The following NSRP1 variants were observed in gnomAD, a reference collection of about 807,000 sequenced individuals.
NSRP1 encodes coiled-coil domain containing 55.
Under a neutral mutation model 54.7 loss-of-function variants are expected in NSRP1, and 24 were observed. The ratio of observed to expected loss-of-function variants is 0.44; its 90% CI spans 0.32 to 0.62. NSRP1 has a LOEUF of 0.62. NSRP1 is among the 20% of genes least tolerant of loss of function. The pLI is 0.06. For synonymous variants in NSRP1, 210 were observed against 213.8 expected (o/e 0.98, Z 0.15); for missense variants, 596 against 651.2 (o/e 0.92, Z 0.92).
In NSRP1 at chr17:30,116,820, A is replaced by C. The variant is rs201700781; in HGVS notation, c.-24A>C. On this transcript the variant is annotated 5_prime_UTR_variant, in exon 1 of 7. Coordinates refer to ENST00000247026, the MANE Select transcript of NSRP1 (RefSeq NM_032141.4). ...CGTCAGCGTCACGGAGGCGTCGGCC[A>C]CGTTCAGCGGACACGGGAGCAAGAT... 3 of 1,569,250 alleles carry C rather than the reference A, an allele frequency of 1.9e-6. No homozygotes were observed. The highest frequency in any genetic ancestry group is 2.6e-6 in the Non-Finnish European group (3 of 1,156,620).
intron 2 of NSRP1, among the ~76,000 whole-genome samples, chr17:30,159,398 A>G (rs1904431317): frequency 6.6e-6 from 1 of 151,940 alleles, no homozygotes; most frequent in Non-Finnish European, 1.5e-5. Context: ...TAAATATAAG[A>G]TCATGTCATC....
intron 6 of NSRP1, among the ~76,000 whole-genome samples, chr17:30,182,339 A>G (rs1340215826): frequency 1.3e-5 from 2 of 152,176 alleles, no homozygotes; most frequent in Non-Finnish European, 2.9e-5. Flanking sequence ...AGCTACTTAA[A>G]TTAATTTAAA....
intron 2 of NSRP1, among the ~76,000 whole-genome samples, chr17:30,124,300 C>T (rs1349291757): frequency 1.3e-5 from 2 of 152,186 alleles, no homozygotes; most frequent in Non-Finnish European, 2.9e-5. Flanking sequence ...ATGACCACAA[C>T]ATACCACAGT....
At chr17:30,176,610 C>A (rs1292720340) in intron 3 of NSRP1, among the ~76,000 whole-genome samples, 1 of 120,048 alleles carries the variant, frequency 8.3e-6, no homozygotes, top group Non-Finnish European at 1.9e-5. Context: ...ACTTCGTCCC[C>A]CCCCCCCCAA....
chr17:30,122,858 T>C lies in NSRP1; in HGVS notation c.114+4685T>C, dbSNP rs2071616645. 2.0e-5 allele frequency among the ~76,000 whole-genome samples: 3 copies of C among 152,180 alleles called. No individual in the cohort carries two copies. In the East Asian group the frequency reaches 5.8e-4, roughly 29 times the overall value. On this transcript the variant is annotated intron_variant, in intron 2 of 6. Transcript: ENST00000247026. Reference sequence around the variant, plus strand: ...ATAGAAGGTGTACAGTGGTATCTCATTGTGGCTTTGATTTGCACTTCCCTG... The same window carrying C: ...ATAGAAGGTGTACAGTGGTATCTCACTGTGGCTTTGATTTGCACTTCCCTG...
rs1177186662 is a variant in NSRP1, at chr17:30,186,386, A to G, written c.*712A>G. On this transcript the variant is annotated 3_prime_UTR_variant, in exon 7 of 7. Transcript: ENST00000247026. Reference sequence around the variant, plus strand: ...ATATACTTTATGTTCTGAAATTTGTATTTAAGTATAAAATGTGAATCATCT... The same window carrying G: ...ATATACTTTATGTTCTGAAATTTGTGTTTAAGTATAAAATGTGAATCATCT... 1.3e-5 allele frequency: 2 copies of G among 152,236 alleles called. No homozygotes were observed. Among genetic ancestry groups the G allele is most frequent in the East Asian group, 1.9e-4 (1 of 5,204 alleles). 9.4% of individuals were successfully genotyped at this position (152,236 alleles called of 1,614,324 possible).
intron 2 of NSRP1, among the ~76,000 whole-genome samples, chr17:30,145,047 A>G (rs1340334251): frequency 6.6e-6 from 1 of 152,156 alleles, no homozygotes; most frequent in African/African-American, 2.4e-5. Flanking sequence ...TTTTTTAGTC[A>G]ACACTGTGTT....
intron 2 of NSRP1, among the ~76,000 whole-genome samples, chr17:30,126,651 C>T (rs987670539): frequency 3.3e-5 from 5 of 151,970 alleles, no homozygotes; most frequent in East Asian, 3.9e-4. Flanking sequence ...TGCAGTGGTG[C>T]GATTTTGGGT....
chr17:30,181,437 C>T (rs1336917791), intron 6 of NSRP1, among the ~76,000 whole-genome samples: 1 of 140,346 alleles, frequency 7.1e-6, no homozygotes, highest in Non-Finnish European at 1.5e-5. Flanking sequence ...CTCACTCTGT[C>T]GCCTAGGGTG....
chr17:30,131,283 C>T (rs2071697144), intron 2 of NSRP1, among the ~76,000 whole-genome samples: 1 of 151,970 alleles, frequency 6.6e-6, no homozygotes, highest in Non-Finnish European at 1.5e-5. Flanking sequence ...TTTTATTGTC[C>T]TCTCATCTGA....
chr17:30,161,785 G>C (rs1026314297), intron 2 of NSRP1, among the ~76,000 whole-genome samples: 1 of 152,128 alleles, frequency 6.6e-6, no homozygotes, highest in Non-Finnish European at 1.5e-5. Context: ...TGGATGAAAT[G>C]ATCTCTCTGT....
intron 3 of NSRP1, among the ~76,000 whole-genome samples, chr17:30,176,134 CTGTT>C (rs1206239274): frequency 2.0e-5 from 3 of 150,160 alleles, no homozygotes; most frequent in East Asian, 2.0e-4. Flanking sequence ...TTTGTTTTGT[CTGTT>C]CTGTTACTGA....
intron 2 of NSRP1, among the ~76,000 whole-genome samples, chr17:30,121,637 C>T (rs374476219): frequency 6.7e-6 from 1 of 148,846 alleles, no homozygotes; most frequent in South Asian, 2.1e-4. Context: ...GATCTCGGCT[C>T]ACTGCAACTG....
rs1339644405 is a variant in NSRP1, at chr17:30,153,239, T to C, written c.115-19303T>C. Among the ~76,000 whole-genome samples, 3 of 152,220 alleles carry C rather than the reference T, an allele frequency of 2.0e-5. No homozygotes were observed. The East Asian group carries it at 5.8e-4, about 29-fold the overall frequency. On this transcript the variant is annotated intron_variant, in intron 2 of 6. Coordinates refer to ENST00000247026, the MANE Select transcript of NSRP1 (RefSeq NM_032141.4). ...GCCTATTTTCGGCATTTTTATATCC[T>C]GTTGTATTTAGGCTCTTTTTGTAGA...
intron 1 of NSRP1, 41 bp from the exon 2 acceptor site, chr17:30,118,039 A>G (rs1209759685): frequency 6.8e-7 from 1 of 1,475,972 alleles, no homozygotes; most frequent in Non-Finnish European, 9.5e-7. Context: ...TAACATTTAA[A>G]CATAAAGGTT....
At chr17:30,177,991 A>C (rs754901377) in intron 3 of NSRP1, 80 bp from the exon 4 acceptor site, 1 of 1,417,410 alleles carries the variant, frequency 7.1e-7, no homozygotes, top group South Asian at 1.2e-5. Flanking sequence ...TCAATTTATG[A>C]ACCATTCTCA....
chr17:30,167,894 T>G (rs1301723480), intron 2 of NSRP1, among the ~76,000 whole-genome samples: 1 of 152,188 alleles, frequency 6.6e-6, no homozygotes, highest in Non-Finnish European at 1.5e-5. Context: ...CAACAGTACA[T>G]GTACAGTTAT....
intron 5 of NSRP1, among the ~76,000 whole-genome samples, chr17:30,179,577 T>C (rs905205444): frequency 2.6e-5 from 4 of 152,202 alleles, no homozygotes; most frequent in Non-Finnish European, 5.9e-5. Context: ...TGATCTGAAA[T>C]GTAAAAACAT....
At chr17:30,146,650 A>G (rs541068821) in intron 2 of NSRP1, among the ~76,000 whole-genome samples, 9 of 152,184 alleles carry the variant, frequency 5.9e-5, no homozygotes, top group Non-Finnish European at 1.0e-4. Context: ...AGGAATATAT[A>G]TATTTTTAAG....
Sources: allele counts gnomAD v4.1 joint callset (sites outside exome capture counted in the v4.1 genomes callset), GRCh38; gene constraint gnomAD v4.1.1; transcripts MANE v1.5; gene names NCBI Gene and HGNC (gene_info 2026-07-23, HGNC 2026-07-21).